RGS7: variants seen among roughly 807,000 people sequenced by gnomAD.
RGS7 encodes regulator of G protein signaling 7, also known as regulator of G-protein signaling 7.
In RGS7, 27 loss-of-function variants were observed where a neutral mutation model predicts 81.1. The ratio of observed to expected loss-of-function variants is 0.33; its 90% CI spans 0.25 to 0.46. The LOEUF is 0.46. Ranked by LOEUF, RGS7 falls within the 20% of genes least tolerant of loss-of-function variation. RGS7 has a pLI of 1.00. For synonymous variants in RGS7, 208 were observed against 207.7 expected (o/e 1.00, Z -0.01); for missense variants, 396 against 607.4 (o/e 0.65, Z 3.66).
intron 3 of RGS7, among the ~76,000 whole-genome samples, chr1:241,097,477 C>G (rs1344040239): frequency 6.6e-6 from 1 of 152,132 alleles, no homozygotes; most frequent in Non-Finnish European, 1.5e-5. Context: ...TATTCCTGTC[C>G]TGATCTCTAC....
chr1:241,322,533 A>G (rs1054761713), intron 2 of RGS7, among the ~76,000 whole-genome samples: 5 of 152,252 alleles, frequency 3.3e-5, no homozygotes, highest in African/African-American at 7.2e-5. Flanking sequence ...CTGATGTTTG[A>G]ATATCCTACT....
In RGS7 at chr1:241,144,254, C is replaced by A. The variant is rs1056239776; in HGVS notation, c.79-45492G>T. Among the ~76,000 whole-genome samples, 4 of 152,102 alleles carry A rather than the reference C, an allele frequency of 2.6e-5. No homozygotes were observed. The highest frequency in any genetic ancestry group is 4.4e-5 in the Non-Finnish European group (3 of 68,010). ...CCTCATCCAAATTGACATACATGTGCTGGCGCATATGTTGTTTATTTCTCT... is the reference window on the plus strand; with the variant it reads ...CCTCATCCAAATTGACATACATGTGATGGCGCATATGTTGTTTATTTCTCT... On this transcript the variant is annotated intron_variant, in intron 2 of 18. Transcript: ENST00000440928. This position sits in a 1 kb window ranked among gnomAD's most constrained non-coding sequence, Gnocchi z 4.7.
intron 2 of RGS7, among the ~76,000 whole-genome samples, chr1:241,254,098 A>G (rs903735623): frequency 4.0e-5 from 6 of 151,684 alleles, no homozygotes; most frequent in African/African-American, 9.7e-5. Flanking sequence ...TACTGGGAAG[A>G]CTGAGGCAGG....
intron 2 of RGS7, among the ~76,000 whole-genome samples, chr1:241,105,375 A>T (rs952788065): frequency 1.3e-5 from 2 of 152,214 alleles, no homozygotes; most frequent in African/African-American, 4.8e-5. Context: ...AGGAATTCAT[A>T]ATTAGCATTT....
rs1261131363 is a variant in RGS7, at chr1:240,806,200, A to G, written c.1209T>C (p.Ser403=). 1.4e-5 allele frequency: 23 copies of G among 1,614,000 alleles called. No homozygotes were observed. The highest frequency in any genetic ancestry group is 1.9e-5 in the Non-Finnish European group (23 of 1,179,988). ...APSAINLDSK[S]YDKTTQNVKE... The stretch of plus-strand genomic sequence containing the variant: ...TCACGTTCTGTGTGGTTTTGTCATA[A>G]CTCTTGGAATCCAAGTTAATAGCAC... Residue 403 remains serine (S), a synonymous_variant, in exon 15 of 19, where the codon AGT becomes AGC. Coordinates refer to ENST00000440928, the MANE Select transcript of RGS7 (RefSeq NM_001364886.1).
chr1:241,172,309 A>G (rs1055391946), intron 2 of RGS7, among the ~76,000 whole-genome samples: 1 of 152,214 alleles, frequency 6.6e-6, no homozygotes, highest in Non-Finnish European at 1.5e-5. Flanking sequence ...GGATGAATGA[A>G]CACACCGACT....
intron 15 of RGS7, among the ~76,000 whole-genome samples, chr1:240,804,399 G>C (rs1449100334): frequency 6.6e-6 from 1 of 152,086 alleles, no homozygotes; most frequent in East Asian, 1.9e-4. Context: ...AGTGGTCACA[G>C]AGCAGAGCTG....
intron 3 of RGS7, among the ~76,000 whole-genome samples, chr1:241,074,509 G>T (rs1425444418): frequency 1.3e-5 from 2 of 152,190 alleles, no homozygotes; most frequent in Non-Finnish European, 2.9e-5. Context: ...CTGGAGCCAG[G>T]TATTCAAACG....
chr1:241,302,147 C>G (rs1356234290), intron 2 of RGS7, among the ~76,000 whole-genome samples: 1 of 152,172 alleles, frequency 6.6e-6, no homozygotes, highest in Non-Finnish European at 1.5e-5. Context: ...GAGACAGCAG[C>G]CAGCGTAGAG....
rs979188045 is a variant in RGS7, at chr1:240,810,665, C to T, written c.1082+1253G>A. On this transcript the variant is annotated intron_variant, in intron 14 of 18. Coordinates refer to ENST00000440928, the MANE Select transcript of RGS7 (RefSeq NM_001364886.1). Reference sequence around the variant, plus strand: ...GGAGTTTGCCATGTTGGCCAGGCTGCTCTCAAATTCCTGGCCTCAAGAGAG... The same window carrying T: ...GGAGTTTGCCATGTTGGCCAGGCTGTTCTCAAATTCCTGGCCTCAAGAGAG... 6.0e-4 allele frequency among the ~76,000 whole-genome samples: 91 copies of T among 152,174 alleles called. 1 individual carries two copies. Among genetic ancestry groups the T allele is most frequent in the African/African-American group, 2.2e-3 (90 of 41,538 alleles).
intron 2 of RGS7, among the ~76,000 whole-genome samples, chr1:241,216,161 A>C (rs1463854232): frequency 6.6e-6 from 1 of 152,092 alleles, no homozygotes. Context: ...CATCCCAGCT[A>C]CCTGGGAGGC....
chr1:241,233,390 C>T (rs974477178), intron 2 of RGS7, among the ~76,000 whole-genome samples: 9 of 152,174 alleles, frequency 5.9e-5, no homozygotes, highest in Non-Finnish European at 1.2e-4. Context: ...CTCCACACTG[C>T]CATTCGCAGC....
chr1:241,219,346 C>G (rs1418874031), intron 2 of RGS7, among the ~76,000 whole-genome samples: 1 of 152,146 alleles, frequency 6.6e-6, no homozygotes. Context: ...CTGCTGCCAT[C>G]CATATAAGAC....
At chr1:241,189,920 G>A (rs1034536798) in intron 2 of RGS7, among the ~76,000 whole-genome samples, 5 of 151,610 alleles carry the variant, frequency 3.3e-5, no homozygotes, top group African/African-American at 4.9e-5. Context: ...TCGAGCCCAC[G>A]GTGAAACCCC....
chr1:240,793,006 A>G (rs1686279342), intron 18 of RGS7, among the ~76,000 whole-genome samples: 1 of 152,144 alleles, frequency 6.6e-6, no homozygotes, highest in South Asian at 2.1e-4. Context: ...CTGAAGCCTC[A>G]TAGCTACTGG....
At chr1:240,964,123 GCA>G (rs1268360983) in intron 4 of RGS7, among the ~76,000 whole-genome samples, 1 of 152,234 alleles carries the variant, frequency 6.6e-6, no homozygotes, top group Non-Finnish European at 1.5e-5. Context: ...AAGAATGGGT[GCA>G]CACAGAGTCA....
intron 2 of RGS7, among the ~76,000 whole-genome samples, chr1:241,334,113 G>A (rs1193000860): frequency 2.0e-5 from 3 of 151,454 alleles, no homozygotes; most frequent in East Asian, 1.9e-4. Context: ...GTACTCCGTC[G>A]CTTCCCCAAA....
intron 5 of RGS7, among the ~76,000 whole-genome samples, chr1:240,935,132 C>G (rs1395923630): frequency 6.6e-6 from 1 of 151,780 alleles, no homozygotes; most frequent in African/African-American, 2.4e-5. Flanking sequence ...CTCCTAACCT[C>G]AAGTGATAGC....
rs975246082 is a variant in RGS7 at position 241,200,975 on chromosome 1, A to G, written c.79-102213T>C. Among the ~76,000 whole-genome samples the G allele has an allele frequency of 2.0e-5, 3 of 152,190 alleles. No homozygotes were observed. The East Asian group carries it at 5.8e-4, about 29-fold the overall frequency. ...TTTCAACTACCTGCTGATATCTTCA[A>G]GTCCTGTTGATACATCAGTCCCAAT... On this transcript the variant is annotated intron_variant, in intron 2 of 18. Coordinates refer to ENST00000440928, the MANE Select transcript of RGS7 (RefSeq NM_001364886.1).
Sources: gnomAD v4.1 joint callset for allele counts (sites outside exome capture counted in the v4.1 genomes callset) on GRCh38, gnomAD v4.1.1 for gene constraint, Gnocchi (gnomAD v3.1) non-coding constraint, MANE v1.5 for transcripts, NCBI Gene and HGNC (gene_info 2026-07-23, HGNC 2026-07-21) for gene names.